Variants in MAGI1 observed in about 807,000 individuals in gnomAD.
MAGI1 encodes membrane associated guanylate kinase, WW and PDZ domain containing 1.
MAGI1 carries 58 observed loss-of-function variants against 139.9 expected under a neutral mutation model. That is an observed-to-expected ratio of 0.41 (90% CI 0.34 to 0.52). The LOEUF (loss-of-function observed/expected upper bound fraction) is 0.52, where lower values mean the gene tolerates loss of function less well. Ranked by LOEUF, MAGI1 falls within the 20% of genes least tolerant of loss-of-function variation. The pLI is 0.12. For synonymous variants in MAGI1, 812 were observed against 737.9 expected (o/e 1.10, Z -1.63); for missense variants, 1,874 against 1,901.6 (o/e 0.99, Z 0.27).
At chr3:65,448,529 G>A (rs576402415) in intron 6 of MAGI1, among the ~76,000 whole-genome samples, 1 of 152,242 alleles carries the variant, frequency 6.6e-6, no homozygotes, top group Admixed American at 6.5e-5. Flanking sequence ...AATGGAAGGT[G>A]AGGTCAAATT....
intron 3 of MAGI1, among the ~76,000 whole-genome samples, chr3:65,480,573 TA>T (rs576523538): frequency 8.9e-4 from 125 of 140,878 alleles, no homozygotes; most frequent in African/African-American, 2.4e-3. Flanking sequence ...TTTATTCTTA[TA>T]AATAAGGTTT....
chr3:65,378,514 G>T (rs3772194), intron 17 of MAGI1, among the ~76,000 whole-genome samples: 6,499 of 151,950 alleles, frequency 0.043, 568 homozygotes, highest in East Asian at 0.31. Flanking sequence ...TTTTACAGCC[G>T]TATGCTCCTT....
intron 2 of MAGI1, among the ~76,000 whole-genome samples, chr3:65,553,802 G>A (rs556362474): frequency 7.2e-5 from 11 of 152,352 alleles, no homozygotes; most frequent in African/African-American, 2.2e-4. Flanking sequence ...TGTCTGTCCT[G>A]AGTGGGTATC....
chr3:65,402,128 A>T (rs1944948083), intron 12 of MAGI1, among the ~76,000 whole-genome samples: 2 of 152,204 alleles, frequency 1.3e-5, no homozygotes, highest in African/African-American at 4.8e-5. Context: ...AACGTCTGCC[A>T]GTCATCCAAG....
intron 18 of MAGI1, 94 bp from the exon 19 acceptor site, chr3:65,365,040 G>C (rs752895202): frequency 1.1e-6 from 1 of 946,690 alleles, no homozygotes; most frequent in East Asian, 2.4e-5. Context: ...TGAATAACAA[G>C]TGTGACTTCT....
intron 1 of MAGI1, among the ~76,000 whole-genome samples, chr3:65,867,331 T>G (rs1292700925): frequency 1.3e-5 from 2 of 152,208 alleles, no homozygotes; most frequent in African/African-American, 2.4e-5. Context: ...GGCACGCTGT[T>G]GGCAGCAGCA....
At position 65,657,745 on chromosome 3, in the gene MAGI1, T is replaced by A. The variant is rs144962225; in HGVS notation, c.314-35657A>T. On this transcript the variant is annotated intron_variant, in intron 1 of 22. Transcript: ENST00000402939. ...GTCTGGTAACAATGAAATTTGCTCCTAAGTTTGGAGCCAAGTCCAATAAAA... is the reference window on the plus strand; with the variant it reads ...GTCTGGTAACAATGAAATTTGCTCCAAAGTTTGGAGCCAAGTCCAATAAAA... 2.0e-5 allele frequency among the ~76,000 whole-genome samples: 3 copies of A among 152,310 alleles called. No individual in the cohort carries two copies. In the East Asian group the frequency reaches 5.8e-4, roughly 29 times the overall value.
intron 18 of MAGI1, among the ~76,000 whole-genome samples, chr3:65,375,389 G>A (rs937945886): frequency 3.3e-5 from 5 of 151,792 alleles, no homozygotes; most frequent in South Asian, 2.1e-4. Context: ...GGGTTCCACC[G>A]TGTTAGCCAG....
In MAGI1 at chr3:65,548,511, CTTTTTTTTTTT is replaced by C. The variant is rs1170215972; in HGVS notation, c.431-54891_431-54881del. Reference sequence around the variant, plus strand: ...AGCCCAGCTTTATGCAAACAACACTCTTTTTTTTTTTTTTTTTTTTTTTTTTTTTGAGACGG... The same window carrying C: ...AGCCCAGCTTTATGCAAACAACACTCTTTTTTTTTTTTTTTTTTGAGACGG... On this transcript the variant is annotated intron_variant, in intron 2 of 22. Transcript: ENST00000402939. 4.5e-3 allele frequency among the ~76,000 whole-genome samples: 392 copies of C among 87,380 alleles called. 3 individuals are homozygous for C. Among genetic ancestry groups the C allele is most frequent in the African/African-American group, 0.015 (318 of 21,302 alleles). 57.3% of individuals were successfully genotyped at this position (87,380 alleles called of 152,430 possible).
At chr3:66,021,938 G>A (rs147378690) in intron 1 of MAGI1, among the ~76,000 whole-genome samples, 70 of 152,306 alleles carry the variant, frequency 4.6e-4, no homozygotes, top group Admixed American at 7.8e-4. Context: ...TCTTCAAGAA[G>A]CTGTGCCTGC....
At chr3:65,916,923 G>T (rs9845604) in intron 1 of MAGI1, among the ~76,000 whole-genome samples, 64,098 of 151,870 alleles carry the variant, frequency 0.42, 14,183 homozygotes, top group East Asian at 0.73. Context: ...TTAAAATCTT[G>T]GATAATCATA....
chr3:65,768,443 G>A (rs1423397327), intron 1 of MAGI1, among the ~76,000 whole-genome samples: 1 of 151,972 alleles, frequency 6.6e-6, no homozygotes, highest in Non-Finnish European at 1.5e-5. Context: ...AATTACTTAA[G>A]GATACTGGTG....
intron 2 of MAGI1, among the ~76,000 whole-genome samples, chr3:65,508,219 C>A (rs1451574081): frequency 6.6e-6 from 1 of 151,954 alleles, no homozygotes; most frequent in Non-Finnish European, 1.5e-5. Context: ...CTGGCTAACA[C>A]GGTGAAACCC....
At chr3:65,421,228 T>C (rs1946612892) in intron 12 of MAGI1, among the ~76,000 whole-genome samples, 1 of 152,160 alleles carries the variant, frequency 6.6e-6, no homozygotes, top group African/African-American at 2.4e-5. Flanking sequence ...TAAATCAAAA[T>C]AGCAACTTAA....
intron 1 of MAGI1, among the ~76,000 whole-genome samples, chr3:65,951,244 C>T (rs926547673): frequency 6.6e-6 from 1 of 152,162 alleles, no homozygotes; most frequent in Admixed American, 6.5e-5. Flanking sequence ...AATATGGTAA[C>T]CCCCAGCAGA....
intron 14 of MAGI1, among the ~76,000 whole-genome samples, chr3:65,390,443 G>C (rs1943827816): frequency 1.3e-5 from 2 of 152,072 alleles, no homozygotes; most frequent in African/African-American, 4.8e-5. Flanking sequence ...GGCATTTTTA[G>C]GAACTTTCAT....
chr3:65,496,876 G>A (rs7615017), intron 2 of MAGI1, among the ~76,000 whole-genome samples: 55,256 of 152,010 alleles, frequency 0.36, 10,394 homozygotes, highest in Middle Eastern at 0.43. Flanking sequence ...ATATTTTGAA[G>A]ACAGAACTAA....
intron 1 of MAGI1, among the ~76,000 whole-genome samples, chr3:65,635,964 A>G (rs1400239560): frequency 2.0e-5 from 3 of 152,216 alleles, no homozygotes; most frequent in Admixed American, 1.3e-4. Context: ...CCACTGTGAT[A>G]CACACATCAT....
intron 1 of MAGI1, among the ~76,000 whole-genome samples, chr3:66,020,806 G>C (rs1237148461): frequency 6.6e-6 from 1 of 152,132 alleles, no homozygotes; most frequent in African/African-American, 2.4e-5. Flanking sequence ...TCACTTTTCA[G>C]TCATCCATTA....
Sources: allele counts gnomAD v4.1 joint callset (sites outside exome capture counted in the v4.1 genomes callset), GRCh38; gene constraint gnomAD v4.1.1; transcripts MANE v1.5; gene names NCBI Gene and HGNC (gene_info 2026-07-23, HGNC 2026-07-21).